Variants in SLC44A5 observed in about 807,000 individuals in gnomAD.
SLC44A5 encodes the protein solute carrier family 44 member 5, also known as choline transporter-like protein 5.
A neutral mutation model predicts 101.8 loss-of-function variants in SLC44A5; 57 were observed. That is an observed-to-expected ratio of 0.56 (90% confidence interval 0.45 to 0.70). SLC44A5 has a LOEUF of 0.70. SLC44A5 is among the 30% of genes least tolerant of loss of function. SLC44A5 has a pLI of 0.00. For synonymous variants in SLC44A5, 281 were observed against 290.9 expected (o/e 0.97, Z 0.35); for missense variants, 737 against 853.1 (o/e 0.86, Z 1.70).
At chr1:75,445,082 C>A (rs1405229600) in intron 2 of SLC44A5, among the ~76,000 whole-genome samples, 1 of 151,916 alleles carries the variant, frequency 6.6e-6, no homozygotes, top group Admixed American at 6.6e-5. Flanking sequence ...GATATTTGTC[C>A]ACTCCAAATC....
In SLC44A5 at chr1:75,242,154, A is replaced by G. The variant is rs535129200; in HGVS notation, c.472-93T>C. 143 of 861,420 alleles carry G rather than the reference A, an allele frequency of 1.7e-4. No homozygotes were observed. The African/African-American group carries it at 2.3e-3, about 14-fold the overall frequency. The allele number at this position is 861,420 out of a possible 1,614,324, so 53.4% of individuals were successfully genotyped here. On this transcript the variant is annotated intron_variant, in intron 8 of 23. Transcript: ENST00000370859. ...TATGTCCTTTAAAAAATTTAACTCC[A>G]TAATAATCTCCTTATTTCAAATTAC...
intron 2 of SLC44A5, among the ~76,000 whole-genome samples, chr1:75,405,948 AATAG>A (rs1349232385): frequency 3.9e-5 from 6 of 152,046 alleles, no homozygotes; most frequent in South Asian, 2.1e-4. Flanking sequence ...AGATCAACAA[AATAG>A]ATAGACCGCT....
intron 6 of SLC44A5, among the ~76,000 whole-genome samples, chr1:75,261,273 G>T (rs929860251): frequency 1.3e-5 from 2 of 151,576 alleles, no homozygotes; most frequent in African/African-American, 4.8e-5. Context: ...GTCAGCTAGC[G>T]AGAGTAATAA....
chr1:75,306,240 G>C (rs1193204047), intron 4 of SLC44A5, among the ~76,000 whole-genome samples: 1 of 152,050 alleles, frequency 6.6e-6, no homozygotes, highest in Non-Finnish European at 1.5e-5. Flanking sequence ...TTACCACCTG[G>C]ACATTTATAG....
intron 2 of SLC44A5, among the ~76,000 whole-genome samples, chr1:75,467,954 A>G (rs954525505): frequency 2.6e-5 from 4 of 152,188 alleles, no homozygotes; most frequent in Non-Finnish European, 1.5e-5. Flanking sequence ...CATAACCAGA[A>G]TACATAAGGA....
chr1:75,401,945 G>A (rs892341412), intron 2 of SLC44A5, among the ~76,000 whole-genome samples: 3 of 152,128 alleles, frequency 2.0e-5, no homozygotes, highest in African/African-American at 7.2e-5. Context: ...ATGTAGTGGA[G>A]TTAGAGACGG....
chr1:75,326,122 GTGTA>G (rs1403984248), intron 4 of SLC44A5, among the ~76,000 whole-genome samples: 5 of 135,850 alleles, frequency 3.7e-5, no homozygotes, highest in Non-Finnish European at 6.3e-5. Flanking sequence ...GTGTGTGTGT[GTGTA>G]TAATATTTTA....
chr1:75,630,192 CTG>C, the SLC44A5 span, among the ~76,000 whole-genome samples: 2 of 152,118 alleles, frequency 1.3e-5, no homozygotes, highest in East Asian at 3.9e-4. Flanking sequence ...ATAGCTGACT[CTG>C]TAGGGTGCCT....
chr1:75,588,277 G>T (rs939562967), intron 1 of SLC44A5, among the ~76,000 whole-genome samples: 2 of 150,036 alleles, frequency 1.3e-5, no homozygotes, highest in African/African-American at 4.9e-5. Flanking sequence ...GAGGAAGGGA[G>T]GTGGGGAGGA....
chr1:75,442,281 C>A (rs1022310353), intron 2 of SLC44A5, among the ~76,000 whole-genome samples: 7 of 151,966 alleles, frequency 4.6e-5, no homozygotes, highest in Non-Finnish European at 2.9e-5. Context: ...AAATAATGAA[C>A]CTTGTTAAAG....
chr1:75,668,890 G>A, the SLC44A5 span, among the ~76,000 whole-genome samples: 1 of 151,298 alleles, frequency 6.6e-6, no homozygotes, highest in East Asian at 1.9e-4. Context: ...AGCTACTCGG[G>A]AGGCTGGGGC....
In SLC44A5 at chr1:75,585,414, C is replaced by A. The variant is rs866037314; in HGVS notation, c.-70+25626G>T. Among the ~76,000 whole-genome samples, 11 of 152,178 alleles carry A rather than the reference C, an allele frequency of 7.2e-5. No homozygotes were observed. In the South Asian group the frequency reaches 2.1e-3, roughly 29 times the overall value. On this transcript the variant is annotated intron_variant, in intron 1 of 23. Transcript: ENST00000370859. ...CAAAAACCATAGTCAAATTATGCAT[C>A]CTCTCGAAGCCTCAATATTCATGTA...
intron 2 of SLC44A5, among the ~76,000 whole-genome samples, chr1:75,424,501 C>T (rs1664192793): frequency 6.6e-6 from 1 of 152,122 alleles, no homozygotes; most frequent in Admixed American, 6.5e-5. Context: ...AGCCAGGTTT[C>T]ACCACGTTGA....
At chr1:75,278,709 T>C (rs1031266890) in intron 5 of SLC44A5, among the ~76,000 whole-genome samples, 2 of 152,148 alleles carry the variant, frequency 1.3e-5, no homozygotes, top group Admixed American at 6.6e-5. Flanking sequence ...AGAATCACTG[T>C]GAATGTAGCA....
At chr1:75,525,538 T>TAA (rs1670362162) in intron 2 of SLC44A5, among the ~76,000 whole-genome samples, 1 of 151,854 alleles carries the variant, frequency 6.6e-6, no homozygotes, top group African/African-American at 2.4e-5. Flanking sequence ...GTAAATGCTA[T>TAA]AAAAAAGAAA....
chr1:75,523,049 T>C (rs1188229460), intron 2 of SLC44A5, among the ~76,000 whole-genome samples: 9 of 152,202 alleles, frequency 5.9e-5, no homozygotes, highest in African/African-American at 2.2e-4. Flanking sequence ...AGGACCTAAG[T>C]TGCATGTTTC....
chr1:75,550,016 G>A (rs1021364538), intron 1 of SLC44A5, among the ~76,000 whole-genome samples: 3 of 152,016 alleles, frequency 2.0e-5, no homozygotes, highest in Non-Finnish European at 4.4e-5. Flanking sequence ...TGTAATGAGA[G>A]GTCATGTTTT....
the SLC44A5 span, among the ~76,000 whole-genome samples, chr1:75,690,591 C>G: frequency 6.6e-6 from 1 of 152,080 alleles, no homozygotes; most frequent in African/African-American, 2.4e-5. Flanking sequence ...GGGTTAAGAC[C>G]CTGAAAAACC....
chr1:75,701,788 T>C, the SLC44A5 span, among the ~76,000 whole-genome samples: 1 of 152,340 alleles, frequency 6.6e-6, no homozygotes, highest in South Asian at 2.1e-4. Flanking sequence ...CTCCTTAAGC[T>C]AATAAGCAAC....
Sources: gnomAD v4.1 joint callset for allele counts (sites outside exome capture counted in the v4.1 genomes callset) on GRCh38, gnomAD v4.1.1 for gene constraint, MANE v1.5 for transcripts, NCBI Gene and HGNC (gene_info 2026-07-23, HGNC 2026-07-21) for gene names.